Variants in DESI2 observed in about 807,000 individuals in gnomAD.
The protein encoded by DESI2 is desumoylating isopeptidase 2.
A neutral mutation model predicts 24.1 loss-of-function variants in DESI2; 10 were observed. That is an observed-to-expected ratio of 0.41 (90% CI 0.26 to 0.70). The LOEUF is 0.70. Ranked by LOEUF, DESI2 falls within the 30% of genes least tolerant of loss-of-function variation. DESI2 has a pLI of 0.29. For missense variants in DESI2, 122 were observed against 234.9 expected (o/e 0.52, Z 3.14); for synonymous variants, 71 against 87.7 (o/e 0.81, Z 1.06).
chr1:244,672,515 A>G (rs1676280195), intron 1 of DESI2, among the ~76,000 whole-genome samples: 1 of 152,202 alleles, frequency 6.6e-6, no homozygotes, highest in Non-Finnish European at 1.5e-5. Flanking sequence ...ATTACTTTAT[A>G]GCAACACAAA....
intron 4 of DESI2, among the ~76,000 whole-genome samples, chr1:244,696,417 T>A (rs956432668): frequency 6.6e-6 from 1 of 152,044 alleles, no homozygotes; most frequent in African/African-American, 2.4e-5. Flanking sequence ...AGCACACAAG[T>A]TCAAGACGAG....
intron 3 of DESI2, among the ~76,000 whole-genome samples, chr1:244,690,234 G>A (rs1010600446): frequency 2.0e-5 from 3 of 151,996 alleles, no homozygotes; most frequent in Admixed American, 6.6e-5. Flanking sequence ...CCCACCCCGC[G>A]ACAGGCCCTG....
rs143690239 is a variant in DESI2 at position 244,681,724 on chromosome 1, A to G, written c.43-4873A>G. On this transcript the variant is annotated intron_variant, in intron 1 of 4. Transcript: ENST00000302550. ...TTGCACTTCATTTTGTCCTTAGTAT[A>G]TATCTCAGTAAGGGTATATAGACAG... is the stretch of plus-strand genomic sequence containing the variant. Among the ~76,000 whole-genome samples the G allele has an allele frequency of 1.8e-3, 267 of 152,342 alleles. 3 individuals carry two copies. The highest frequency in any genetic ancestry group is 6.2e-3 in the African/African-American group (259 of 41,564).
intron 4 of DESI2, among the ~76,000 whole-genome samples, chr1:244,704,806 GCACCAC>G (rs1054237366): frequency 6.6e-6 from 1 of 152,130 alleles, no homozygotes; most frequent in African/African-American, 2.4e-5. Flanking sequence ...ATACAGGTGT[GCACCAC>G]CATGCCCGGC....
intron 1 of DESI2, among the ~76,000 whole-genome samples, chr1:244,667,662 C>T (rs527665366): frequency 1.3e-5 from 2 of 152,248 alleles, no homozygotes; most frequent in African/African-American, 4.8e-5. Context: ...ATAACAGAAG[C>T]AGGCTTGACC....
At chr1:244,686,406 G>GA (rs1293023943) in intron 1 of DESI2, among the ~76,000 whole-genome samples, 191 bp from the exon 2 acceptor site, 1 of 151,858 alleles carries the variant, frequency 6.6e-6, no homozygotes, top group African/African-American at 2.4e-5. Context: ...CTCAAATCGC[G>GA]ACAATTATTT....
Position 244,672,569 on chromosome 1 carries a change from CT to C in DESI2, c.43-14027del, listed in dbSNP as rs543570717. On this transcript the variant is annotated intron_variant, in intron 1 of 4. Transcript: ENST00000302550. ...GTTAGAGAAGCGTTGAGAAACACTACTATTGATTTCAAAAATTAATAGCAGT... is the reference window on the plus strand; with the variant it reads ...GTTAGAGAAGCGTTGAGAAACACTACATTGATTTCAAAAATTAATAGCAGT... Among the ~76,000 whole-genome samples the C allele has an allele frequency of 5.3e-5, 8 of 152,272 alleles. No homozygotes were observed. In the South Asian group the frequency reaches 1.7e-3, roughly 32 times the overall value.
At chr1:244,675,684 C>T (rs1676391725) in intron 1 of DESI2, among the ~76,000 whole-genome samples, 1 of 152,140 alleles carries the variant, frequency 6.6e-6, no homozygotes, top group Non-Finnish European at 1.5e-5. Context: ...TACTGTAGCT[C>T]TGTGCTAAAT....
intron 1 of DESI2, among the ~76,000 whole-genome samples, chr1:244,657,703 G>A (rs144868072): frequency 4.4e-4 from 67 of 152,292 alleles, no homozygotes; most frequent in Non-Finnish European, 8.8e-4. Flanking sequence ...TCCTCAGCAC[G>A]TTGGCTGTTG....
chr1:244,702,941 G>A (rs1677529994), intron 4 of DESI2, among the ~76,000 whole-genome samples: 2 of 151,536 alleles, frequency 1.3e-5, no homozygotes, highest in South Asian at 4.2e-4. Context: ...CCTCTAAATA[G>A]GCAGATAGCC....
At position 244,706,046 on chromosome 1, in the gene DESI2, G is replaced by T. The variant is rs972060960; in HGVS notation, c.*257G>T. The T allele has an allele frequency of 6.6e-5, 30 of 453,372 alleles. No homozygotes were observed. The highest frequency in any genetic ancestry group is 5.3e-4 in the African/African-American group (27 of 50,648). 28.1% of individuals were successfully genotyped at this position (453,372 alleles called of 1,614,324 possible). A position where few individuals can be genotyped will look rare whatever the true frequency, so the allele number is the denominator to read the frequency against. ...GATTTATTTCTTCTGTTTTATACAA[G>T]CTCTGTTAAGTTATGTTTACAGTAT... On this transcript the variant is annotated 3_prime_UTR_variant, in exon 5 of 5. Transcript: ENST00000302550.
At chr1:244,686,122 A>T (rs1676808120) in intron 1 of DESI2, among the ~76,000 whole-genome samples, 1 of 152,222 alleles carries the variant, frequency 6.6e-6, no homozygotes, top group Non-Finnish European at 1.5e-5. Flanking sequence ...TTTGAGCTGA[A>T]TCAGGACACA....
intron 1 of DESI2, among the ~76,000 whole-genome samples, chr1:244,669,432 AC>A (rs1465549266): frequency 6.6e-6 from 1 of 152,044 alleles, no homozygotes; most frequent in Non-Finnish European, 1.5e-5. Flanking sequence ...TAATCTCAGC[AC>A]TTTGGGAGGC....
At chr1:244,669,264 T>C (rs1273661301) in intron 1 of DESI2, among the ~76,000 whole-genome samples, 1 of 151,460 alleles carries the variant, frequency 6.6e-6, no homozygotes, top group Non-Finnish European at 1.5e-5. Context: ...CCCAAAGTGC[T>C]GGGATTACAG....
chr1:244,662,843 G>A (rs905077538), intron 1 of DESI2, among the ~76,000 whole-genome samples: 4 of 152,126 alleles, frequency 2.6e-5, no homozygotes, highest in Non-Finnish European at 4.4e-5. Context: ...GCTGTAAATC[G>A]GGCCACATGC....
intron 3 of DESI2, among the ~76,000 whole-genome samples, chr1:244,690,463 T>C (rs1408297971): frequency 6.6e-6 from 1 of 152,186 alleles, no homozygotes; most frequent in Non-Finnish European, 1.5e-5. Context: ...CCCAGCACTT[T>C]GGGAGGCCAA....
intron 1 of DESI2, among the ~76,000 whole-genome samples, chr1:244,664,018 A>AG (rs1164879051): frequency 1.3e-3 from 91 of 69,586 alleles, no homozygotes; most frequent in Admixed American, 3.9e-3. Context: ...ACTCCGTCTC[A>AG]GGAAAAAAAA....
At chr1:244,663,378 A>ATT (rs1461055610) in intron 1 of DESI2, among the ~76,000 whole-genome samples, 2 of 151,860 alleles carry the variant, frequency 1.3e-5, no homozygotes, top group African/African-American at 4.8e-5. Context: ...GGGTTTCACC[A>ATT]TGTTAGCCAG....
At chr1:244,682,596 A>G (rs939893060) in intron 1 of DESI2, among the ~76,000 whole-genome samples, 2 of 152,186 alleles carry the variant, frequency 1.3e-5, no homozygotes, top group African/African-American at 4.8e-5. Flanking sequence ...AGATATTTGC[A>G]TATGACAGGG....
Sources: allele counts gnomAD v4.1 joint callset (sites outside exome capture counted in the v4.1 genomes callset), GRCh38; gene constraint gnomAD v4.1.1; transcripts MANE v1.5; gene names NCBI Gene and HGNC (gene_info 2026-07-23, HGNC 2026-07-21).